The following TRIM2 variants were observed in gnomAD, a reference collection of about 807,000 sequenced individuals.
The protein encoded by TRIM2 is tripartite motif-containing protein 2.
Under a neutral mutation model 75.2 loss-of-function variants are expected in TRIM2, and 20 were observed. The observed-to-expected ratio is 0.27, with a 90% CI of 0.19 to 0.39. TRIM2 has a LOEUF of 0.39. Among genes scored for constraint, TRIM2 ranks in the 10% least tolerant of loss-of-function variants. The pLI, the probability that TRIM2 is intolerant of heterozygous loss-of-function variation, is 1.00. For synonymous variants in TRIM2, 373 were observed against 388.3 expected (o/e 0.96, Z 0.46); for missense variants, 660 against 990.8 (o/e 0.67, Z 4.48).
At chr4:153,302,764 CA>C (rs1010121026) in intron 6 of TRIM2, among the ~76,000 whole-genome samples, 2 of 152,236 alleles carry the variant, frequency 1.3e-5, no homozygotes, top group African/African-American at 4.8e-5. Flanking sequence ...TATCTTCCCT[CA>C]AAAACCACCT....
At chr4:153,192,679 A>G (rs868444074) in intron 1 of TRIM2, among the ~76,000 whole-genome samples, 59 of 151,970 alleles carry the variant, frequency 3.9e-4, no homozygotes, top group African/African-American at 1.4e-3. Context: ...TGACAGTTCG[A>G]TATATTGTGC....
intron 1 of TRIM2, among the ~76,000 whole-genome samples, chr4:153,172,861 A>C (rs1345882342): frequency 1.3e-5 from 2 of 152,198 alleles, no homozygotes; most frequent in Non-Finnish European, 2.9e-5. Context: ...CTCAAGACAG[A>C]GACAGCAAAG....
In TRIM2 at chr4:153,248,902, G is replaced by A. The variant is rs1015758041; in HGVS notation, c.31-21433G>A. 6.6e-6 allele frequency among the ~76,000 whole-genome samples: 1 copy of A among 152,212 alleles called. No homozygotes were observed. The highest frequency in any genetic ancestry group is 2.4e-5 in the African/African-American group (1 of 41,462). On this transcript the variant is annotated intron_variant, in intron 1 of 11. Transcript: ENST00000338700. The surrounding 1 kb of genome is among the most constrained non-coding windows in gnomAD (Gnocchi z 4.0). The stretch of plus-strand genomic sequence containing the variant: ...CAGGTTTCAAAGCATGGAAACCCAA[G>A]CATGTTACTCGGAGAAAGTCCCACC...
Position 153,320,242 on chromosome 4 carries a change from G to A in TRIM2, c.1783-2406G>A, listed in dbSNP as rs532084371. On this transcript the variant is annotated intron_variant, in intron 8 of 11. Transcript: ENST00000338700. ...AGTTCCTCTTGCCAAGAAAACCACTGTTTCTTTCCTAAGTAATTGTGTTCC... is the reference window on the plus strand; with the variant it reads ...AGTTCCTCTTGCCAAGAAAACCACTATTTCTTTCCTAAGTAATTGTGTTCC... Among the ~76,000 whole-genome samples, 33 of 152,236 alleles carry A rather than the reference G, an allele frequency of 2.2e-4. No homozygotes were observed. In the East Asian group the frequency reaches 2.3e-3, roughly 11 times the overall value.
chr4:153,170,865 C>G (rs577164997), intron 1 of TRIM2, among the ~76,000 whole-genome samples: 2 of 152,322 alleles, frequency 1.3e-5, no homozygotes. Context: ...GGCTGCCCAA[C>G]TAGATGTGAT....
intron 1 of TRIM2, among the ~76,000 whole-genome samples, chr4:153,220,953 T>C (rs1363828958): frequency 6.6e-6 from 1 of 152,044 alleles, no homozygotes; most frequent in East Asian, 1.9e-4. Context: ...ATGTTAAACA[T>C]AGAATTAGCG....
chr4:153,265,329 G>GT (rs1168594560), intron 1 of TRIM2, among the ~76,000 whole-genome samples: 54 of 140,838 alleles, frequency 3.8e-4, no homozygotes, highest in Admixed American at 3.3e-3. Context: ...GTTTTGTTTT[G>GT]TTTTTTGTGT....
rs540539014 is a variant in TRIM2 at position 153,177,538 on chromosome 4, T to C, written c.-49+24268T>C. Among the ~76,000 whole-genome samples the C allele has an allele frequency of 9.2e-5, 14 of 151,684 alleles. No homozygotes were observed. The South Asian group carries it at 2.9e-3, about 32-fold the overall frequency. On this transcript the variant is annotated intron_variant, in intron 1 of 11. Coordinates refer to the TRIM2 transcript ENST00000437508. ...GCACATGCCTGTAATCCCAGCTACT[T>C]GGGAGGCTGAGGCAGGAGAATCACT... is the stretch of plus-strand genomic sequence containing the variant.
upstream of TRIM2, among the ~76,000 whole-genome samples, chr4:153,200,756 T>C (rs541636953): frequency 6.1e-5 from 9 of 147,060 alleles, no homozygotes; most frequent in East Asian, 1.6e-3. Flanking sequence ...TATATGGCTA[T>C]CCTAGTAGGT....
At chr4:153,284,874 T>C (rs1760236430) in intron 3 of TRIM2, among the ~76,000 whole-genome samples, 2 of 152,208 alleles carry the variant, frequency 1.3e-5, no homozygotes, top group Non-Finnish European at 2.9e-5. Flanking sequence ...AGCCATATTT[T>C]CTCCCATTTT....
intron 1 of TRIM2, among the ~76,000 whole-genome samples, chr4:153,190,719 G>T (rs577812028): frequency 4.9e-4 from 74 of 152,228 alleles, no homozygotes; most frequent in African/African-American, 1.8e-3. Context: ...CCAGGGTCTG[G>T]AATGCTATTC....
chr4:153,232,227 G>A (rs1684176576), intron 1 of TRIM2, among the ~76,000 whole-genome samples: 1 of 152,144 alleles, frequency 6.6e-6, no homozygotes. Context: ...AAAGAGTCAT[G>A]AGTAGCCAGG....
intron 3 of TRIM2, among the ~76,000 whole-genome samples, chr4:153,280,560 G>C (rs1759089428): frequency 6.6e-6 from 1 of 151,836 alleles, no homozygotes; most frequent in Non-Finnish European, 1.5e-5. Context: ...AATTCTTTAA[G>C]TTTTTGTTGA....
Position 153,244,355 on chromosome 4 carries a change from C to CTCTTCTTCTTCT in TRIM2, c.31-25909_31-25898dup, listed in dbSNP as rs1209366783. 3.1e-3 allele frequency among the ~76,000 whole-genome samples: 39 copies of CTCTTCTTCTTCT among 12,696 alleles called. 1 individual carries two copies. The highest frequency in any genetic ancestry group is 8.0e-3 in the East Asian group (4 of 498). The allele number at this position is 12,696 out of a possible 152,430, so 8.3% of individuals were successfully genotyped here. A position where few individuals can be genotyped will look rare whatever the true frequency, so the allele number is the denominator to read the frequency against. On this transcript the variant is annotated intron_variant, in intron 1 of 11. Transcript: ENST00000338700. ...CTTCTTCTTCTTCTTCTTCTTCTTCCTCTTCTTCTTCTTCTTCTTCTTCTT... is the reference window on the plus strand; with the variant it reads ...CTTCTTCTTCTTCTTCTTCTTCTTCCTCTTCTTCTTCTTCTTCTTCTTCTTCTTCTTCTTCTT...
chr4:153,303,023 C>T (rs1764237873), intron 6 of TRIM2, among the ~76,000 whole-genome samples: 1 of 152,180 alleles, frequency 6.6e-6, no homozygotes, highest in African/African-American at 2.4e-5. Context: ...GATCAGGTGA[C>T]AATGCATTCA....
intron 1 of TRIM2, among the ~76,000 whole-genome samples, chr4:153,182,602 GTA>G: frequency 6.6e-6 from 1 of 152,290 alleles, no homozygotes; most frequent in Non-Finnish European, 1.5e-5. Context: ...GAACCACTCA[GTA>G]TTCAAACCAT....
chr4:153,274,649 T>A (rs1435009406), intron 2 of TRIM2, among the ~76,000 whole-genome samples: 1 of 152,172 alleles, frequency 6.6e-6, no homozygotes, highest in South Asian at 2.1e-4. Context: ...TCATGATGAA[T>A]GGAACCTTGA....
chr4:153,270,351 C>A lies in TRIM2; in HGVS notation c.47C>A (p.Ser16Ter). 1 of 1,613,068 alleles carries A rather than the reference C, an allele frequency of 6.2e-7. No individual in the cohort carries two copies. Among genetic ancestry groups the A allele is most frequent in the Non-Finnish European group, 8.5e-7 (1 of 1,179,514 alleles). ...RYGTQQQRAGSKTAGPPCQWS... is the reference protein window; with the variant it reads ...RYGTQQQRAG ...GTCTGACAGCAGCAGCGTGCAGGGT[C>A]AAAGACAGCCGGCCCCCCATGTCAG... is the stretch of plus-strand genomic sequence containing the variant. Residue 16 changes from serine (S) to a stop codon, truncating the protein, a stop_gained, in exon 2 of 12, where the codon TCA (serine) becomes TAA (stop). Coordinates refer to ENST00000338700, the MANE Select transcript of TRIM2 (RefSeq NM_015271.5). LOFTEE classifies it high-confidence loss of function.
chr4:153,190,839 G>A (rs899759538), intron 1 of TRIM2, among the ~76,000 whole-genome samples: 53 of 152,204 alleles, frequency 3.5e-4, no homozygotes, highest in African/African-American at 1.2e-3. Context: ...CTGGTTTCAC[G>A]CAATTCTCCT....
Sources: allele counts gnomAD v4.1 joint callset (sites outside exome capture counted in the v4.1 genomes callset), GRCh38; gene constraint gnomAD v4.1.1; non-coding constraint Gnocchi (gnomAD v3.1); transcripts MANE v1.5; gene names NCBI Gene and HGNC (gene_info 2026-07-23, HGNC 2026-07-21).